The following AP4S1 variants were observed in gnomAD, a reference collection of about 807,000 sequenced individuals.
AP4S1 encodes adaptor related protein complex 4 subunit sigma 1.
A neutral mutation model predicts 19.8 loss-of-function variants in AP4S1; 23 were observed. That is an observed-to-expected ratio of 1.16 (90% CI 0.84 to 1.65). The LOEUF (loss-of-function observed/expected upper bound fraction) is 1.65, where lower values mean the gene tolerates loss of function less well. AP4S1 is among the 40% of genes most tolerant of loss of function. AP4S1 has a pLI of 0.00. For synonymous variants in AP4S1, 46 were observed against 54.1 expected, an observed-to-expected ratio of 0.85 and a Z score of 0.66; for missense variants, 166 against 172.8, an observed-to-expected ratio of 0.96 and a Z score of 0.22.
At chr14:31,044,275 C>T (rs1885270314) in intron 1 of AP4S1, among the ~76,000 whole-genome samples, 1 of 152,094 alleles carries the variant, frequency 6.6e-6, no homozygotes, top group Non-Finnish European at 1.5e-5. Flanking sequence ...GCTGGACTTT[C>T]CAGAGACAGG....
chr14:31,065,001 G>A (rs1886638033), intron 1 of AP4S1, among the ~76,000 whole-genome samples: 1 of 152,122 alleles, frequency 6.6e-6, no homozygotes, highest in African/African-American at 2.4e-5. Context: ...ACAATTGTGA[G>A]AATTGCTCAG....
intron 1 of AP4S1, among the ~76,000 whole-genome samples, chr14:31,029,168 T>C (rs1884235374): frequency 6.6e-6 from 1 of 152,204 alleles, no homozygotes; most frequent in Admixed American, 6.5e-5. Context: ...GTAATATCTT[T>C]CCTGTGGATT....
chr14:31,056,605 C>T (rs994192477), intron 1 of AP4S1, among the ~76,000 whole-genome samples: 9 of 152,142 alleles, frequency 5.9e-5, no homozygotes, highest in African/African-American at 2.2e-4. Context: ...GTTATCCGCC[C>T]GCCTTGGCCT....
intron 1 of AP4S1, among the ~76,000 whole-genome samples, chr14:31,048,513 G>A (rs1032712943): frequency 6.6e-6 from 1 of 151,852 alleles, no homozygotes; most frequent in African/African-American, 2.4e-5. Flanking sequence ...TGGATCACGA[G>A]GTCAGAAGTT....
intron 1 of AP4S1, among the ~76,000 whole-genome samples, chr14:31,057,476 A>C (rs1426770701): frequency 6.6e-6 from 1 of 152,216 alleles, no homozygotes; most frequent in Non-Finnish European, 1.5e-5. Context: ...CGCCATCAGA[A>C]ATATAATACC....
intron 1 of AP4S1, among the ~76,000 whole-genome samples, chr14:31,059,694 A>G (rs984080906): frequency 2.6e-5 from 4 of 152,092 alleles, no homozygotes; most frequent in African/African-American, 9.7e-5. Context: ...GTATGTTGCA[A>G]TCCCACCCAC....
intron 5 of AP4S1, among the ~76,000 whole-genome samples, chr14:31,082,127 C>G (rs2139104025): frequency 6.6e-6 from 1 of 152,212 alleles, no homozygotes; most frequent in South Asian, 2.1e-4. Flanking sequence ...TTGACAAATT[C>G]ATTTTGTGCC....
chr14:31,051,044 C>T (rs948324198), intron 1 of AP4S1, among the ~76,000 whole-genome samples: 3 of 151,944 alleles, frequency 2.0e-5, no homozygotes, highest in Admixed American at 1.3e-4. Context: ...CGCTTGAGCC[C>T]AGGAGTTCAA....
At chr14:31,084,634 C>A in intron 5 of AP4S1, 1 of 1,427,162 alleles carries the variant, frequency 7.0e-7, no homozygotes, top group Non-Finnish European at 9.6e-7. Context: ...CTCTTCAGTT[C>A]CACTCCACCC....
intron 3 of AP4S1, among the ~76,000 whole-genome samples, chr14:31,071,366 AGT>A (rs1886988719): frequency 6.6e-6 from 1 of 152,236 alleles, no homozygotes; most frequent in Admixed American, 6.5e-5. Context: ...AAGAACTCTA[AGT>A]GCTAGACACT....
chr14:31,087,267 T>C (rs2139121854), intron 5 of AP4S1, among the ~76,000 whole-genome samples: 1 of 152,284 alleles, frequency 6.6e-6, no homozygotes, highest in Non-Finnish European at 1.5e-5. Context: ...ATAGAGCTAC[T>C]TTAGGGAAGA....
chr14:31,025,628 A>G, upstream of AP4S1: 1 of 505,458 alleles, frequency 2.0e-6, no homozygotes, highest in Non-Finnish European at 3.5e-6. Context: ...CCGCCTCCGG[A>G]GGAGCCCCCG....
chr14:31,086,583 T>C (rs148489271), intron 5 of AP4S1: 3,684 of 152,008 alleles, frequency 0.024, 139 homozygotes, highest in African/African-American at 0.084. Context: ...CTGGCTAGTT[T>C]TTTTGTATTT....
chr14:31,089,632 G>C (rs979667157), intron 5 of AP4S1, among the ~76,000 whole-genome samples: 6 of 152,166 alleles, frequency 3.9e-5, no homozygotes, highest in Non-Finnish European at 8.8e-5. Context: ...TCCAATGTTG[G>C]GGCCAGGCGT....
intron 1 of AP4S1, among the ~76,000 whole-genome samples, chr14:31,053,119 T>C (rs1885900179): frequency 1.3e-5 from 2 of 151,936 alleles, no homozygotes; most frequent in Admixed American, 1.3e-4. Context: ...TTTTGTACTT[T>C]TATTAGAGAC....
chr14:31,045,036 G>T (rs1394588617), intron 1 of AP4S1, among the ~76,000 whole-genome samples: 1 of 151,782 alleles, frequency 6.6e-6, no homozygotes, highest in Non-Finnish European at 1.5e-5. Context: ...CAAGTAGCTG[G>T]GATTACAGGA....
At chr14:31,076,499 T>A (rs1272589960) in intron 4 of AP4S1, among the ~76,000 whole-genome samples, 1 of 152,252 alleles carries the variant, frequency 6.6e-6, no homozygotes, top group African/African-American at 2.4e-5. Flanking sequence ...TGCCCATTTT[T>A]ACATTGCATT....
chr14:31,036,833 T>C (rs1233293249), intron 1 of AP4S1, among the ~76,000 whole-genome samples: 2 of 152,054 alleles, frequency 1.3e-5, no homozygotes, highest in African/African-American at 4.8e-5. Context: ...TTTTTTCTTT[T>C]AGATGGAGTC....
chr14:31,060,436 A>T (rs1382149452), intron 1 of AP4S1, among the ~76,000 whole-genome samples: 2 of 152,178 alleles, frequency 1.3e-5, no homozygotes, highest in African/African-American at 2.4e-5. Flanking sequence ...CGCCTTTGCT[A>T]AGTGCTGTTT....
Sources: allele counts gnomAD v4.1 joint callset (sites outside exome capture counted in the v4.1 genomes callset), GRCh38; gene constraint gnomAD v4.1.1; transcripts MANE v1.5; gene names NCBI Gene and HGNC (gene_info 2026-07-23, HGNC 2026-07-21).